The following EDC3 variants were observed in gnomAD, a reference collection of about 807,000 sequenced individuals.
EDC3 encodes enhancer of mRNA-decapping protein 3.
A neutral mutation model predicts 41.8 loss-of-function variants in EDC3; 20 were observed. The ratio of observed to expected loss-of-function variants is 0.48; its 90% confidence interval spans 0.34 to 0.70. The LOEUF is 0.70. Ranked by LOEUF, EDC3 falls within the 30% of genes least tolerant of loss-of-function variation. The probability of loss-of-function intolerance (pLI) is 0.01; values close to 1 mark genes in which losing one functional copy is unlikely to be tolerated. For missense variants in EDC3, 444 were observed against 636.8 expected (o/e 0.70, Z 3.26); for synonymous variants, 206 against 243.2 (o/e 0.85, Z 1.42).
At chr15:74,641,243 C>T (rs1334492385) in intron 4 of EDC3, 2 of 152,730 alleles carry the variant, frequency 1.3e-5, no homozygotes, top group African/African-American at 4.8e-5. Context: ...TTCTCCCCAT[C>T]TGAGTTGGGT....
At chr15:74,637,299 C>T (rs937492878) in intron 5 of EDC3, 2 of 152,202 alleles carry the variant, frequency 1.3e-5, no homozygotes, top group African/African-American at 4.8e-5. Context: ...CAGCCAGCCC[C>T]AAGAAGCTGG....
chr15:74,659,503 T>C (rs2062596136), intron 3 of EDC3, among the ~76,000 whole-genome samples: 1 of 148,616 alleles, frequency 6.7e-6, no homozygotes, highest in African/African-American at 2.5e-5. Flanking sequence ...TATATATATA[T>C]ATATATATAG....
At chr15:74,672,545 A>G (rs1282425357) in intron 2 of EDC3, among the ~76,000 whole-genome samples, 1 of 151,748 alleles carries the variant, frequency 6.6e-6, no homozygotes, top group Non-Finnish European at 1.5e-5. Context: ...ACTGGGCACC[A>G]TGGCTCATGC....
At position 74,635,175 on chromosome 15, in the gene EDC3, C is replaced by T. The variant is rs78139492; in HGVS notation, c.1192+234G>A. ...AGCATCAGGAAGAGTGCCTGTTCAA[C>T]GAATATTTGTGGAATGGACCAATGG... is the stretch of plus-strand genomic sequence containing the variant. On this transcript the variant is annotated intron_variant, in intron 6 of 6. Transcript: ENST00000315127. The T allele has an allele frequency of 4.9e-4, 338 of 689,226 alleles. 1 individual carries two copies. Among genetic ancestry groups the T allele is most frequent in the Non-Finnish European group, 7.0e-4 (263 of 376,604 alleles). The allele number at this position is 689,226 out of a possible 1,614,324, so 42.7% of individuals were successfully genotyped here.
chr15:74,649,776 C>G (rs1870030468), intron 4 of EDC3, among the ~76,000 whole-genome samples: 1 of 151,922 alleles, frequency 6.6e-6, no homozygotes, highest in Non-Finnish European at 1.5e-5. Context: ...CCAATAACTC[C>G]CACATCTCCC....
intron 5 of EDC3, 77 bp from the exon 6 acceptor site, chr15:74,635,703 T>C (rs1019843737): frequency 1.5e-6 from 2 of 1,317,956 alleles, no homozygotes; most frequent in African/African-American, 1.5e-5. Flanking sequence ...CAATTGCCTG[T>C]AGCACCTATT....
intron 4 of EDC3, 94 bp downstream of exon 4, chr15:74,655,639 T>G: frequency 1.6e-6 from 2 of 1,243,650 alleles, no homozygotes; most frequent in Non-Finnish European, 2.2e-6. Flanking sequence ...TAATTCCTAG[T>G]GTGAGATTCT....
intron 5 of EDC3, chr15:74,636,609 T>C (rs1426176875): frequency 2.0e-5 from 3 of 152,232 alleles, no homozygotes; most frequent in Admixed American, 6.5e-5. Context: ...AGGCCATAGG[T>C]CCCTGCCTAG....
At chr15:74,648,277 C>CTTGAAAGCT (rs2062440223) in intron 4 of EDC3, among the ~76,000 whole-genome samples, 1 of 152,216 alleles carries the variant, frequency 6.6e-6, no homozygotes, top group African/African-American at 2.4e-5. Context: ...GATAAAAACA[C>CTTGAAAGCT]TGCTGGTCTT....
At chr15:74,675,534 G>A in intron 1 of EDC3, among the ~76,000 whole-genome samples, 1 of 149,500 alleles carries the variant, frequency 6.7e-6, no homozygotes, top group African/African-American at 2.4e-5. Flanking sequence ...CACTCTTGCT[G>A]ATGATGATAA....
chr15:74,658,624 G>GAAAAAA (rs60193835), intron 3 of EDC3, among the ~76,000 whole-genome samples: 4 of 39,044 alleles, frequency 1.0e-4, no homozygotes, highest in African/African-American at 2.0e-4. Flanking sequence ...TTACGTCTCT[G>GAAAAAA]AAAAAAAAAA....
At chr15:74,650,652 AAC>A (rs943816336) in intron 4 of EDC3, among the ~76,000 whole-genome samples, 2 of 152,198 alleles carry the variant, frequency 1.3e-5, no homozygotes, top group African/African-American at 2.4e-5. Context: ...AAACATAATA[AAC>A]ACAGTGTTTT....
chr15:74,652,905 C>T (rs750863069), intron 4 of EDC3, among the ~76,000 whole-genome samples: 10 of 151,158 alleles, frequency 6.6e-5, no homozygotes, highest in Non-Finnish European at 1.3e-4. Context: ...ACCAGCTGGG[C>T]GTGGTGGCTG....
At chr15:74,659,017 C>T (rs1412060323) in intron 3 of EDC3, among the ~76,000 whole-genome samples, 1 of 152,160 alleles carries the variant, frequency 6.6e-6, no homozygotes, top group Non-Finnish European at 1.5e-5. Context: ...ACACCACAGC[C>T]AGCTAGATGA....
At chr15:74,665,261 G>A (rs983702862) in intron 3 of EDC3, among the ~76,000 whole-genome samples, 1 of 152,170 alleles carries the variant, frequency 6.6e-6, no homozygotes, top group Non-Finnish European at 1.5e-5. Context: ...CCTGGCCTCA[G>A]GTGATCTGCC....
At chr15:74,645,159 C>T (rs1238141237) in intron 4 of EDC3, 1 of 152,062 alleles carries the variant, frequency 6.6e-6, no homozygotes, top group African/African-American at 2.4e-5. Flanking sequence ...TTAAAGGAAA[C>T]AGAAGAGATA....
chr15:74,691,880 G>C (rs982876679), intron 1 of EDC3, among the ~76,000 whole-genome samples: 1 of 151,920 alleles, frequency 6.6e-6, no homozygotes, highest in Non-Finnish European at 1.5e-5. Flanking sequence ...GCAGTGGAGC[G>C]ATCTCGGCTC....
rs764673612 is a variant in EDC3, at chr15:74,632,750, C to T, written c.1389G>A (p.Leu463=). 3.2e-5 allele frequency: 51 copies of T among 1,614,124 alleles called. No individual in the cohort carries two copies. The Admixed American group carries it at 4.5e-4, about 14-fold the overall frequency. ...CTGCGTGCTCCCCCAGTGGCAGAGGCAGGCCCAGTGCCAGTGACCATTTGG... is the reference window on the plus strand; with the variant it reads ...CTGCGTGCTCCCCCAGTGGCAGAGGTAGGCCCAGTGCCAGTGACCATTTGG... ...IDAKWSLALG[L]PLPLGEHAGR... Residue 463 remains leucine, a synonymous_variant, in exon 7 of 7, where the codon CTG becomes CTA. Transcript: ENST00000315127. This position sits in a 1 kb window ranked among gnomAD's most constrained non-coding sequence, Gnocchi z 4.0.
At chr15:74,652,896 C>T (rs1023937935) in intron 4 of EDC3, among the ~76,000 whole-genome samples, 1 of 151,862 alleles carries the variant, frequency 6.6e-6, no homozygotes, top group African/African-American at 2.4e-5. Flanking sequence ...AAACCCTTTA[C>T]CAGCTGGGCG....
Sources: gnomAD v4.1 joint callset for allele counts (sites outside exome capture counted in the v4.1 genomes callset) on GRCh38, gnomAD v4.1.1 for gene constraint, Gnocchi (gnomAD v3.1) non-coding constraint, MANE v1.5 for transcripts, NCBI Gene and HGNC (gene_info 2026-07-23, HGNC 2026-07-21) for gene names.